Variants in CPNE5 observed in about 807,000 individuals in gnomAD.
CPNE5 encodes the protein copine 5.
CPNE5 carries 42 observed loss-of-function variants against 81.1 expected under a neutral mutation model. The ratio of observed to expected loss-of-function variants is 0.52; its 90% confidence interval spans 0.40 to 0.67. The LOEUF is 0.67. CPNE5 is among the 30% of genes least tolerant of loss of function. CPNE5 has a pLI of 0.00. For synonymous variants in CPNE5, 313 were observed against 321.5 expected, an observed-to-expected ratio of 0.97 and a Z score of 0.28; for missense variants, 612 against 815.5, an observed-to-expected ratio of 0.75 and a Z score of 3.04.
At chr6:36,779,054 G>T in intron 8 of CPNE5, 97 bp from the exon 9 acceptor site, 4 of 805,124 alleles carry the variant, frequency 5.0e-6, no homozygotes, top group South Asian at 4.6e-5. Flanking sequence ...CACCAGCCCT[G>T]GTTGGAATGC....
chr6:36,770,775 A>G (rs1266333509), intron 10 of CPNE5, among the ~76,000 whole-genome samples: 1 of 152,118 alleles, frequency 6.6e-6, no homozygotes, highest in Non-Finnish European at 1.5e-5. Flanking sequence ...GCTGAAACCA[A>G]GTTTACCTCT....
intron 5 of CPNE5, 61 bp from the exon 6 acceptor site, chr6:36,798,302 TC>T: frequency 6.5e-7 from 1 of 1,543,688 alleles, no homozygotes; most frequent in Non-Finnish European, 8.9e-7. Context: ...CTATCCCACC[TC>T]CCCCATCGCC....
intron 3 of CPNE5, among the ~76,000 whole-genome samples, chr6:36,814,914 C>T (rs2150570154): frequency 6.6e-6 from 1 of 152,222 alleles, no homozygotes; most frequent in Middle Eastern, 3.4e-3. Flanking sequence ...CGCCTGTATT[C>T]CCAGCACTTT....
chr6:36,753,011 A>T (rs1765019342), intron 14 of CPNE5, 23 bp downstream of exon 14: 1 of 1,597,310 alleles, frequency 6.3e-7, no homozygotes, highest in East Asian at 2.2e-5. Flanking sequence ...AAGGCCCATG[A>T]AATTGGCTGT....
At position 36,791,945 on chromosome 6, in the gene CPNE5, G is replaced by A. The variant is rs149180159; in HGVS notation, c.528+88C>T. On this transcript the variant is annotated intron_variant, in intron 8 of 20. Coordinates refer to ENST00000244751, the MANE Select transcript of CPNE5 (RefSeq NM_020939.2). ...AGCATCAGGAGCCCTGTCTACCCTC[G>A]GTTCCCTCCAGGGGCTCAGGGAGGC... 601 of 1,162,134 alleles carry A rather than the reference G, an allele frequency of 5.2e-4. 1 individual carries two copies. In the African/African-American group the frequency reaches 6.8e-3, roughly 13 times the overall value. The allele number at this position is 1,162,134 out of a possible 1,614,324, so 72.0% of individuals were successfully genotyped here. A position where few individuals can be genotyped will look rare whatever the true frequency, so the allele number is the denominator to read the frequency against.
intron 16 of CPNE5, 136 bp from the exon 17 acceptor site, chr6:36,745,651 A>C: frequency 4.0e-6 from 3 of 745,054 alleles, no homozygotes; most frequent in Admixed American, 3.1e-5. Context: ...GTGGCGGGGC[A>C]GGGGAGGGAG....
intron 18 of CPNE5, among the ~76,000 whole-genome samples, chr6:36,744,743 G>T (rs1019486983): frequency 5.9e-5 from 9 of 152,210 alleles, no homozygotes; most frequent in African/African-American, 1.9e-4. Context: ...AGTCATTGGG[G>T]TCTGGAGGGA....
chr6:36,773,325 C>G (rs1022386967), intron 10 of CPNE5, among the ~76,000 whole-genome samples: 2 of 152,246 alleles, frequency 1.3e-5, no homozygotes, highest in Admixed American at 1.3e-4. Context: ...GATGGGTTCT[C>G]CTGACTCAAC....
chr6:36,798,171 G>T lies in CPNE5; in HGVS notation c.398C>A (p.Pro133His). Residue 133 changes from proline (P) to histidine (H), a missense_variant, in exon 6 of 21, where the codon CCC (proline) becomes CAC (histidine). Coordinates refer to ENST00000244751, the MANE Select transcript of CPNE5 (RefSeq NM_020939.2). ...AAGCAACCCAGACACTCACGTGAGGGGCTTTTCCAGGCGGCTCCCAGGGGA... is the reference window on the plus strand; with the variant it reads ...AAGCAACCCAGACACTCACGTGAGGTGCTTTTCCAGGCGGCTCCCAGGGGA... ...VGSPGSRLEK[P>H]LTIGAFSLNS... is the part of the protein sequence containing the mutation. 1 of 1,613,516 alleles carries T rather than the reference G, an allele frequency of 6.2e-7. No homozygotes were observed. Among genetic ancestry groups the T allele is most frequent in the South Asian group, 1.1e-5 (1 of 90,964 alleles).
intron 7 of CPNE5, 84 bp downstream of exon 7, chr6:36,794,506 G>C: frequency 1.5e-6 from 2 of 1,298,870 alleles, no homozygotes; most frequent in East Asian, 2.4e-5. Context: ...TGGGAGCAGG[G>C]ACGAGGCCCA....
At chr6:36,786,102 C>G (rs1321834181) in intron 8 of CPNE5, among the ~76,000 whole-genome samples, 1 of 151,636 alleles carries the variant, frequency 6.6e-6, no homozygotes, top group Non-Finnish European at 1.5e-5. Flanking sequence ...TTCCAAATCT[C>G]CTAGAATTAA....
chr6:36,745,595 G>A, intron 16 of CPNE5, 80 bp from the exon 17 acceptor site: 4 of 1,483,128 alleles, frequency 2.7e-6, no homozygotes, highest in Middle Eastern at 1.8e-4. Flanking sequence ...AGTCCAGGTG[G>A]GGAGGCCAGC....
chr6:36,812,040 G>T (rs989058418), intron 3 of CPNE5, among the ~76,000 whole-genome samples: 6 of 152,164 alleles, frequency 3.9e-5, no homozygotes, highest in Admixed American at 1.3e-4. Context: ...GGAGGTGGAG[G>T]TTGCAGTGAG....
chr6:36,752,760 C>T, intron 14 of CPNE5: 2 of 289,088 alleles, frequency 6.9e-6, no homozygotes, highest in East Asian at 1.1e-4. Context: ...GAGTCCCTAC[C>T]AGCTCCAGGT....
chr6:36,827,536 C>A (rs1053390871), intron 1 of CPNE5: 1 of 985,314 alleles, frequency 1.0e-6, no homozygotes, highest in Non-Finnish European at 1.2e-6. Flanking sequence ...CGTCCAAATA[C>A]CACATGTTGA....
chr6:36,763,400 C>T (rs1450153791), intron 11 of CPNE5, among the ~76,000 whole-genome samples: 3 of 152,082 alleles, frequency 2.0e-5, no homozygotes, highest in Admixed American at 6.6e-5. Context: ...GTCAGGAGTT[C>T]GAGACCAGCC....
intron 1 of CPNE5, among the ~76,000 whole-genome samples, chr6:36,826,073 C>T (rs935855707): frequency 1.3e-5 from 2 of 152,136 alleles, no homozygotes; most frequent in African/African-American, 4.8e-5. Context: ...CTCTAGAACT[C>T]GGATCTGGTC....
intron 10 of CPNE5, among the ~76,000 whole-genome samples, chr6:36,767,560 C>T (rs1766670962): frequency 6.6e-6 from 1 of 152,210 alleles, no homozygotes; most frequent in East Asian, 1.9e-4. Flanking sequence ...CCCCAGACCG[C>T]TAAGCTCTGC....
At position 36,756,246 on chromosome 6, in the gene CPNE5, G is replaced by C; in HGVS notation, c.908C>G (p.Thr303Arg). 1 of 1,613,536 alleles carries C rather than the reference G, an allele frequency of 6.2e-7. No homozygotes were observed. Among genetic ancestry groups the C allele is most frequent in the Non-Finnish European group, 8.5e-7 (1 of 1,179,726 alleles). ...GCAGAGACCGGGGTGGCTACTCACT[G>C]TGCCAGAATTCACGTATTTCTTTTT... ...MKKKKYVNSG[T>R]VTLLSFAVES... The change falls in exon 13 of 21, where the codon ACA (threonine) becomes AGA (arginine). Residue 303 changes from threonine (T) to arginine (R), a missense_variant and splice_region_variant. Transcript: ENST00000244751.
Sources: gnomAD v4.1 joint callset for allele counts (sites outside exome capture counted in the v4.1 genomes callset) on GRCh38, gnomAD v4.1.1 for gene constraint, MANE v1.5 for transcripts, NCBI Gene and HGNC (gene_info 2026-07-23, HGNC 2026-07-21) for gene names.